IL7: variants seen among roughly 807,000 people sequenced by gnomAD.
IL7 encodes the protein interleukin-7.
A neutral mutation model predicts 21.6 loss-of-function variants in IL7; 3 were observed. The ratio of observed to expected loss-of-function variants is 0.14; its 90% CI spans 0.06 to 0.36. The LOEUF (loss-of-function observed/expected upper bound fraction) is 0.36, where lower values mean the gene tolerates loss of function less well. Ranked by LOEUF, IL7 falls within the 10% of genes least tolerant of loss-of-function variation. The pLI, the probability that IL7 is intolerant of heterozygous loss-of-function variation, is 1.00. For synonymous variants in IL7, 62 were observed against 68.1 expected (o/e 0.91, Z 0.44); for missense variants, 175 against 200.2 (o/e 0.87, Z 0.76).
chr8:78,692,495 A>G (rs183506087), intron 3 of IL7, among the ~76,000 whole-genome samples: 4 of 152,292 alleles, frequency 2.6e-5, no homozygotes, highest in South Asian at 2.1e-4. Context: ...AAAACTAGAC[A>G]TGACATGGTA....
chr8:78,770,720 C>A (rs1259666292), intron 2 of IL7, among the ~76,000 whole-genome samples: 1 of 151,956 alleles, frequency 6.6e-6, no homozygotes, highest in East Asian at 1.9e-4. Flanking sequence ...CACACGCACA[C>A]AAGTGAGATA....
chr8:78,722,491 A>G lies in IL7; in HGVS notation n.268-1051T>C, dbSNP rs73249940. On this transcript the variant is annotated intron_variant and non_coding_transcript_variant, in intron 3 of 6. Transcript: ENST00000519833. The stretch of plus-strand genomic sequence containing the variant: ...TGTGTAAGAAAACTATTTTTCTTAT[A>G]CTGAAATAAGCATGTCTTTGGTATA... Among the ~76,000 whole-genome samples, 1,062 of 152,112 alleles carry G rather than the reference A, an allele frequency of 7.0e-3. 7 individuals carry two copies. Among genetic ancestry groups the G allele is most frequent in the Middle Eastern group, 0.051 (15 of 294 alleles).
chr8:78,745,473 T>A (rs1477087629), intron 2 of IL7, among the ~76,000 whole-genome samples: 1 of 152,260 alleles, frequency 6.6e-6, no homozygotes, highest in Admixed American at 6.5e-5. Context: ...GTTTCTTTCA[T>A]ACTATATTGT....
At chr8:78,717,630 C>A (rs186118778), downstream of IL7, 455 of 965,914 alleles carry the variant, frequency 4.7e-4, 2 homozygotes, top group African/African-American at 6.6e-3. Flanking sequence ...GAAGTGTAAT[C>A]TTTTGGCTAT....
At chr8:78,712,287 G>A (rs1202371036) in intron 3 of IL7, among the ~76,000 whole-genome samples, 3 of 152,078 alleles carry the variant, frequency 2.0e-5, no homozygotes, top group African/African-American at 7.2e-5. Flanking sequence ...AAGCATTTCT[G>A]TTGTACTAAA....
chr8:78,693,572 T>C (rs1046956089), intron 3 of IL7, among the ~76,000 whole-genome samples: 4 of 152,134 alleles, frequency 2.6e-5, no homozygotes, highest in Admixed American at 2.0e-4. Context: ...CACTTTTTGA[T>C]GGGGTTGTTT....
downstream of IL7, among the ~76,000 whole-genome samples, chr8:78,728,637 C>T (rs1811373344): frequency 6.6e-6 from 1 of 151,936 alleles, no homozygotes; most frequent in Non-Finnish European, 1.5e-5. Flanking sequence ...AAATGTAAAA[C>T]ATAAAACTAT....
At position 78,675,954 on chromosome 8, in the gene IL7, A is replaced by C. The variant is rs114749695; in HGVS notation, n.424T>G. On this transcript the variant is annotated non_coding_transcript_exon_variant, in exon 5 of 5. Coordinates refer to the IL7 transcript ENST00000523959. Reference sequence around the variant, plus strand: ...ATTCTCATGGGAAGAATTTACGTGGAATAGTTTTTGAAGAGTTAATGGGTA... The same window carrying C: ...ATTCTCATGGGAAGAATTTACGTGGCATAGTTTTTGAAGAGTTAATGGGTA... 960 of 1,172,444 alleles carry C rather than the reference A, an allele frequency of 8.2e-4. 6 individuals carry two copies. The African/African-American group carries it at 0.014, about 17-fold the overall frequency. The allele number at this position is 1,172,444 out of a possible 1,614,324, so 72.6% of individuals were successfully genotyped here.
At chr8:78,780,178 C>A (rs920435893) in intron 2 of IL7, among the ~76,000 whole-genome samples, 52 of 151,838 alleles carry the variant, frequency 3.4e-4, no homozygotes, top group African/African-American at 1.2e-3. Flanking sequence ...TTTTCAAAAA[C>A]CAGCTTCTGG....
chr8:78,767,405 G>T (rs573344405), intron 2 of IL7, among the ~76,000 whole-genome samples: 16 of 151,674 alleles, frequency 1.1e-4, no homozygotes, highest in Admixed American at 9.2e-4. Context: ...TATAATTTTG[G>T]TATTTAAGTG....
intron 2 of IL7, among the ~76,000 whole-genome samples, chr8:78,762,702 T>C (rs1372377614): frequency 2.0e-5 from 3 of 152,074 alleles, no homozygotes; most frequent in Admixed American, 6.5e-5. Context: ...TGTCCTCTTG[T>C]ATCTCGCTGC....
downstream of IL7, among the ~76,000 whole-genome samples, chr8:78,717,155 AT>A (rs1006923949): frequency 4.4e-4 from 67 of 152,294 alleles, no homozygotes; most frequent in Admixed American, 1.6e-3. Context: ...TTAAAAAAAA[AT>A]GTTAGAATTT....
chr8:78,804,204 G>A (rs1057096252), intron 1 of IL7, among the ~76,000 whole-genome samples: 3 of 152,014 alleles, frequency 2.0e-5, no homozygotes, highest in African/African-American at 7.3e-5. Flanking sequence ...TCTCAATACT[G>A]GTCTGGAAGT....
rs200116951 is a variant in IL7, at chr8:78,795,140, G to T, written c.147+2932C>A. Among the ~76,000 whole-genome samples the T allele has an allele frequency of 6.6e-5, 10 of 152,098 alleles. No individual in the cohort carries two copies. In the East Asian group the frequency reaches 1.9e-3, roughly 29 times the overall value. On this transcript the variant is annotated intron_variant, in intron 2 of 5. Coordinates refer to ENST00000263851, the MANE Select transcript of IL7 (RefSeq NM_000880.4). ...TGTCTTTCTCAAGGGCTGTTGTAAG[G>T]ATTAAATTAGTTAACACATGGAAAG...
At chr8:78,696,225 G>C (rs545870105) in intron 3 of IL7, among the ~76,000 whole-genome samples, 9 of 152,004 alleles carry the variant, frequency 5.9e-5, no homozygotes, top group Admixed American at 6.6e-5. Context: ...TAGTAGAGAC[G>C]GGGTTTCACT....
intron 3 of IL7, among the ~76,000 whole-genome samples, chr8:78,711,316 C>A (rs1208950019): frequency 1.3e-5 from 2 of 152,044 alleles, no homozygotes; most frequent in African/African-American, 2.4e-5. Context: ...TCCTACAAAC[C>A]TGCAGTTTGT....
intron 2 of IL7, among the ~76,000 whole-genome samples, chr8:78,776,939 T>C (rs757182941): frequency 4.6e-5 from 7 of 152,104 alleles, no homozygotes; most frequent in African/African-American, 1.4e-4. Context: ...TGAAAACATC[T>C]GTGATCTTCA....
At chr8:78,681,851 A>G (rs11785966) in intron 4 of IL7, among the ~76,000 whole-genome samples, 102,977 of 149,740 alleles carry the variant, frequency 0.69, 36,163 homozygotes, top group East Asian at 0.91. Context: ...ATATTTGTGT[A>G]TTATTTTTAA....
chr8:78,802,639 G>A (rs1814111958), intron 1 of IL7, among the ~76,000 whole-genome samples: 2 of 152,054 alleles, frequency 1.3e-5, no homozygotes, highest in Middle Eastern at 3.4e-3. Context: ...CACCATGTTG[G>A]CCAGCCTGGT....
Sources: allele counts gnomAD v4.1 joint callset (sites outside exome capture counted in the v4.1 genomes callset), GRCh38; gene constraint gnomAD v4.1.1; transcripts MANE v1.5; gene names NCBI Gene and HGNC (gene_info 2026-07-23, HGNC 2026-07-21).